Variants in SATB2 observed in about 807,000 individuals in gnomAD.
The protein encoded by SATB2 is SATB homeobox 2, also known as DNA-binding protein SATB2.
Under a neutral mutation model 73.4 loss-of-function variants are expected in SATB2, and 1 was observed. The observed-to-expected ratio is 0.01, with a 90% CI of 0.00 to 0.06. SATB2 has a LOEUF of 0.06. Ranked by LOEUF, SATB2 falls within the 10% of genes least tolerant of loss-of-function variation. SATB2 has a pLI of 1.00. For missense variants in SATB2, 459 were observed against 945.8 expected (o/e 0.49, Z 6.75); for synonymous variants, 397 against 367.0 (o/e 1.08, Z -0.93).
At chr2:199,441,633 T>C (rs566754483) in intron 2 of SATB2, among the ~76,000 whole-genome samples, 25 of 151,926 alleles carry the variant, frequency 1.6e-4, no homozygotes, top group African/African-American at 5.8e-4. Context: ...GATGGGAGAG[T>C]GGACGCTAGT....
At chr2:199,443,277 G>C (rs928220806) in intron 2 of SATB2, among the ~76,000 whole-genome samples, 4 of 151,772 alleles carry the variant, frequency 2.6e-5, no homozygotes, top group Non-Finnish European at 5.9e-5. Flanking sequence ...AATTTCTCCA[G>C]TGTAGTGTTA....
intron 5 of SATB2, among the ~76,000 whole-genome samples, chr2:199,377,233 C>A (rs1021330901): frequency 2.0e-5 from 3 of 151,868 alleles, no homozygotes; most frequent in Non-Finnish European, 4.4e-5. Context: ...AAAAAAAATA[C>A]CCAGGCGTGG....
At chr2:199,407,331 CAT>C (rs1248495137) in intron 3 of SATB2, among the ~76,000 whole-genome samples, 2 of 136,314 alleles carry the variant, frequency 1.5e-5, no homozygotes, top group African/African-American at 2.7e-5. Context: ...AAGAAAGAAA[CAT>C]AGAAAAGTTA....
intron 4 of SATB2, among the ~76,000 whole-genome samples, chr2:199,381,290 G>C (rs1166101982): frequency 6.6e-6 from 1 of 152,136 alleles, no homozygotes; most frequent in African/African-American, 2.4e-5. Context: ...CCTCCTACAA[G>C]AACAAAACTC....
At chr2:199,360,320 T>A (rs2105839544) in intron 6 of SATB2, among the ~76,000 whole-genome samples, 1 of 152,174 alleles carries the variant, frequency 6.6e-6, no homozygotes, top group East Asian at 1.9e-4. Flanking sequence ...GTTTTTTTAT[T>A]CTGTTTCTGG....
At chr2:199,433,886 T>A (rs1038654654) in intron 2 of SATB2, among the ~76,000 whole-genome samples, 4 of 152,220 alleles carry the variant, frequency 2.6e-5, no homozygotes, top group South Asian at 2.1e-4. Context: ...AAAAATCTAT[T>A]TCAAAGCTTC....
intron 10 of SATB2, among the ~76,000 whole-genome samples, chr2:199,293,630 G>A (rs150378775): frequency 0.034 from 5,197 of 152,144 alleles, 110 homozygotes; most frequent in Middle Eastern, 0.078. Flanking sequence ...TTTCTCTACC[G>A]TTTGTAAAAA....
chr2:199,410,879 A>T (rs1384547449), intron 3 of SATB2, among the ~76,000 whole-genome samples: 1 of 152,222 alleles, frequency 6.6e-6, no homozygotes, highest in Admixed American at 6.5e-5. Flanking sequence ...AGACATTTAC[A>T]TTCACCTTTG....
intron 10 of SATB2, among the ~76,000 whole-genome samples, chr2:199,298,023 T>C (rs1381085625): frequency 1.3e-5 from 2 of 152,132 alleles, no homozygotes; most frequent in African/African-American, 2.4e-5. Flanking sequence ...ATGCAAACAA[T>C]AGAGGCCAGG....
intron 3 of SATB2, among the ~76,000 whole-genome samples, chr2:199,399,579 C>T (rs147965312): frequency 6.6e-6 from 1 of 152,314 alleles, no homozygotes; most frequent in Non-Finnish European, 1.5e-5. Context: ...AAAAAAGTTT[C>T]ATTGGCTCAC....
At chr2:199,453,809 T>C (rs1047884693) in intron 2 of SATB2, among the ~76,000 whole-genome samples, 1 of 152,030 alleles carries the variant, frequency 6.6e-6, no homozygotes, top group Admixed American at 6.5e-5. Flanking sequence ...TACACACTAT[T>C]ATGCTGTCTT....
chr2:199,406,221 T>C (rs1690624840), intron 3 of SATB2, among the ~76,000 whole-genome samples: 2 of 152,166 alleles, frequency 1.3e-5, no homozygotes, highest in African/African-American at 2.4e-5. Context: ...AGGATGATTC[T>C]ATTATTATTA....
At chr2:199,281,779 C>A (rs116007782) in intron 10 of SATB2, among the ~76,000 whole-genome samples, 1,801 of 152,092 alleles carry the variant, frequency 0.012, 41 homozygotes, top group African/African-American at 0.042. Flanking sequence ...TTTATGTCTC[C>A]GTCACTGTTG....
At chr2:199,391,450 AAAC>A (rs1449587102) in intron 3 of SATB2, among the ~76,000 whole-genome samples, 25 of 146,486 alleles carry the variant, frequency 1.7e-4, no homozygotes, top group African/African-American at 4.5e-4. Context: ...AAAAAAAAAA[AAAC>A]AAAAAACAAA....
intron 2 of SATB2, among the ~76,000 whole-genome samples, chr2:199,438,526 G>C (rs1691718573): frequency 6.6e-6 from 1 of 152,060 alleles, no homozygotes; most frequent in Non-Finnish European, 1.5e-5. Flanking sequence ...CTTTTATTAG[G>C]GAACAGCTCT....
intron 3 of SATB2, among the ~76,000 whole-genome samples, chr2:199,401,019 G>C (rs1690457155): frequency 6.6e-6 from 1 of 152,058 alleles, no homozygotes. Flanking sequence ...GTATTTTGTT[G>C]GACCCAAAAT....
upstream of SATB2, chr2:199,458,882 G>A: frequency 3.3e-6 from 1 of 304,278 alleles, no homozygotes; most frequent in Non-Finnish European, 6.4e-6. Context: ...CGCGCGCGCA[G>A]GGAAGGCCGC....
At chr2:199,378,059 C>T (rs901027785) in intron 5 of SATB2, among the ~76,000 whole-genome samples, 1 of 152,120 alleles carries the variant, frequency 6.6e-6, no homozygotes, top group Admixed American at 6.6e-5. Context: ...AAGAGTTTAA[C>T]GAGGCCCTGA....
At chr2:199,334,509 T>C (rs1688279734) in intron 7 of SATB2, among the ~76,000 whole-genome samples, 1 of 152,152 alleles carries the variant, frequency 6.6e-6, no homozygotes, top group Non-Finnish European at 1.5e-5. Context: ...GGCACTCATA[T>C]GGGCCAACCA....
Sources: gnomAD v4.1 joint callset for allele counts (sites outside exome capture counted in the v4.1 genomes callset) on GRCh38, gnomAD v4.1.1 for gene constraint, MANE v1.5 for transcripts, NCBI Gene and HGNC (gene_info 2026-07-23, HGNC 2026-07-21) for gene names.